SPEF2: variants seen among roughly 807,000 people sequenced by gnomAD.
SPEF2 encodes the protein sperm flagella and cilia-associated protein 2.
In SPEF2, 187 loss-of-function variants were observed where a neutral mutation model predicts 224.6. The ratio of observed to expected loss-of-function variants is 0.83; its 90% CI spans 0.74 to 0.94. The LOEUF is 0.94. SPEF2 is among the 40% of genes least tolerant of loss of function. The pLI is 0.00. For synonymous variants in SPEF2, 715 were observed against 707.3 expected (o/e 1.01, Z -0.17); for missense variants, 2,170 against 2,135.6 (o/e 1.02, Z -0.32).
At chr5:35,670,028 G>T in intron 9 of SPEF2, 31 bp from the exon 10 acceptor site, 2 of 1,529,388 alleles carry the variant, frequency 1.3e-6, no homozygotes, top group South Asian at 1.2e-5. Flanking sequence ...ACTAACCATT[G>T]ATTCATCTCT....
intron 14 of SPEF2, among the ~76,000 whole-genome samples, chr5:35,696,101 G>A (rs759910709): frequency 6.6e-5 from 10 of 151,848 alleles, no homozygotes; most frequent in South Asian, 2.1e-4. Context: ...CTTTTATTTC[G>A]CTCATACCCT....
intron 23 of SPEF2, among the ~76,000 whole-genome samples, chr5:35,747,352 G>A (rs528310924): frequency 6.6e-5 from 10 of 152,298 alleles, no homozygotes; most frequent in African/African-American, 2.4e-4. Flanking sequence ...TACTAACATT[G>A]AATGTAAATG....
In SPEF2 at chr5:35,641,515, C is replaced by T; in HGVS notation, c.246C>T (p.Ala82=). 1 of 1,613,692 alleles carries T rather than the reference C, an allele frequency of 6.2e-7. No individual in the cohort carries two copies. Among genetic ancestry groups the T allele is most frequent in the Non-Finnish European group, 8.5e-7 (1 of 1,179,824 alleles). Residue 82 remains alanine, a synonymous_variant, in exon 3 of 37, where the codon GCC becomes GCT. Transcript: ENST00000356031. ...LLGVQFDQNV[A]HGIITEKPGV... ...GTGTGCAGTTTGATCAGAATGTGGC[C>T]CATGGCATCATCACAGAAAAGCCTG...
chr5:35,660,915 C>A (rs1749603074), intron 8 of SPEF2, among the ~76,000 whole-genome samples: 1 of 152,052 alleles, frequency 6.6e-6, no homozygotes, highest in Non-Finnish European at 1.5e-5. Context: ...TTGTGAGGTT[C>A]TGAAGCATCT....
chr5:35,633,295 TC>T (rs1188517178), intron 2 of SPEF2, among the ~76,000 whole-genome samples: 1 of 152,110 alleles, frequency 6.6e-6, no homozygotes, highest in Admixed American at 6.5e-5. Context: ...CAGTTTTTCC[TC>T]CATGTATTTT....
At chr5:35,630,141 G>A (rs1338968757) in intron 2 of SPEF2, among the ~76,000 whole-genome samples, 2 of 152,166 alleles carry the variant, frequency 1.3e-5, no homozygotes, top group East Asian at 3.9e-4. Context: ...CTCCGTCCCT[G>A]TGGCTTTCAG....
intron 30 of SPEF2, among the ~76,000 whole-genome samples, chr5:35,784,641 C>T (rs1207886853): frequency 2.0e-5 from 3 of 152,016 alleles, no homozygotes; most frequent in Non-Finnish European, 2.9e-5. Flanking sequence ...GAAGGGTATT[C>T]CAGGCAAAGG....
chr5:35,707,272 T>A (rs1180840500), intron 18 of SPEF2, among the ~76,000 whole-genome samples: 1 of 152,210 alleles, frequency 6.6e-6, no homozygotes, highest in Non-Finnish European at 1.5e-5. Flanking sequence ...TACATAATTA[T>A]GTATTAAATA....
chr5:35,804,787 G>A (rs1314687641), intron 34 of SPEF2, among the ~76,000 whole-genome samples: 1 of 152,052 alleles, frequency 6.6e-6, no homozygotes, highest in Non-Finnish European at 1.5e-5. Flanking sequence ...CCTAATTATG[G>A]AAATAGTTAC....
Position 35,670,154 on chromosome 5 carries a change from A to G in SPEF2, c.1451A>G (p.Asn484Ser), listed in dbSNP as rs745526147. 1.2e-6 allele frequency: 2 copies of G among 1,612,460 alleles called. No homozygotes were observed. Among genetic ancestry groups the G allele is most frequent in the East Asian group, 4.5e-5 (2 of 44,744 alleles). The change falls in exon 10 of 37, where the codon AAC (asparagine) becomes AGC (serine). Residue 484 changes from asparagine (N) to serine (S), a missense_variant. Physicochemically the swap from Asn to Ser is conservative, Grantham distance 46. Transcript: ENST00000356031. Reference sequence around the variant, plus strand: ...GCCTCTGTTAAGACACTACCTGCTAACCCCTCAAGAGAACAACTTACAGAA... The same window carrying G: ...GCCTCTGTTAAGACACTACCTGCTAGCCCCTCAAGAGAACAACTTACAGAA... ...EQASVKTLPANPSREQLTELE... is the reference protein window; with the variant it reads ...EQASVKTLPASPSREQLTELE...
At chr5:35,785,640 C>A (rs972883634) in intron 30 of SPEF2, among the ~76,000 whole-genome samples, 3 of 151,582 alleles carry the variant, frequency 2.0e-5, no homozygotes, top group Non-Finnish European at 4.4e-5. Context: ...AGCACAACCC[C>A]CCCCCACCTC....
intron 33 of SPEF2, among the ~76,000 whole-genome samples, chr5:35,796,118 T>A (rs1261345871): frequency 1.3e-5 from 2 of 152,208 alleles, no homozygotes; most frequent in East Asian, 3.8e-4. Context: ...TTCCTTCCAA[T>A]TCTAAAAGCT....
chr5:35,626,113 C>G (rs1744206994), intron 1 of SPEF2, among the ~76,000 whole-genome samples: 1 of 152,162 alleles, frequency 6.6e-6, no homozygotes, highest in South Asian at 2.1e-4. Flanking sequence ...TACAATAGAT[C>G]TAGCTGAGTT....
intron 23 of SPEF2, among the ~76,000 whole-genome samples, chr5:35,751,999 G>A (rs1304044029): frequency 6.6e-6 from 1 of 152,122 alleles, no homozygotes; most frequent in Admixed American, 6.5e-5. Flanking sequence ...AGATAAAACT[G>A]TTCCACTCAG....
chr5:35,762,100 T>C (rs1347911038), intron 25 of SPEF2, among the ~76,000 whole-genome samples: 1 of 152,192 alleles, frequency 6.6e-6, no homozygotes, highest in Non-Finnish European at 1.5e-5. Flanking sequence ...ATGATAGTAA[T>C]AACTCTTAGT....
chr5:35,691,077 A>T lies in SPEF2; in HGVS notation c.1565A>T (p.Asp522Val). ...TGGGCCTTACCAGAAGAAATGGTTG[A>T]CAATTTACCACCCTCCAACAATTGC... The part of the protein sequence containing the change: ...GEWALPEEMV[D>V]NLPPSNNCIL... Residue 522 changes from aspartate (D) to valine (V), a missense_variant, in exon 11 of 37, where the codon GAC becomes GTC. Transcript: ENST00000356031. 1 of 1,614,034 alleles carries T rather than the reference A, an allele frequency of 6.2e-7. No individual in the cohort carries two copies. Among genetic ancestry groups the T allele is most frequent in the Non-Finnish European group, 8.5e-7 (1 of 1,179,972 alleles).
chr5:35,628,419 C>T lies in SPEF2; in HGVS notation c.59-41C>T, dbSNP rs372279152. On this transcript the variant is annotated intron_variant, in intron 1 of 36. Transcript: ENST00000356031. Reference sequence around the variant, plus strand: ...AAGAGATCATTAGCTCTATGCGCAACATTGTATTCATGGTTTTTATCTCAA... The same window carrying T: ...AAGAGATCATTAGCTCTATGCGCAATATTGTATTCATGGTTTTTATCTCAA... 10 of 1,344,246 alleles carry T rather than the reference C, an allele frequency of 7.4e-6. No individual in the cohort carries two copies. In the African/African-American group the frequency reaches 1.3e-4, roughly 17 times the overall value. 83.3% of individuals were successfully genotyped at this position (1,344,246 alleles called of 1,614,324 possible).
At chr5:35,662,188 C>G (rs1749839666) in intron 8 of SPEF2, among the ~76,000 whole-genome samples, 1 of 151,900 alleles carries the variant, frequency 6.6e-6, no homozygotes, top group South Asian at 2.1e-4. Context: ...TGATGTTAAG[C>G]TTTTTTTTCA....
chr5:35,807,308 T>TCC, intron 36 of SPEF2, 55 bp downstream of exon 36: 1 of 1,567,480 alleles, frequency 6.4e-7, no homozygotes, highest in Middle Eastern at 1.7e-4. Context: ...CAGGACATGC[T>TCC]AGGATGTTTC....
Sources: gnomAD v4.1 joint callset for allele counts (sites outside exome capture counted in the v4.1 genomes callset) on GRCh38, gnomAD v4.1.1 for gene constraint, MANE v1.5 for transcripts, NCBI Gene and HGNC (gene_info 2026-07-23, HGNC 2026-07-21) for gene names.